The following CNTNAP2 variants were observed in gnomAD, a reference collection of about 807,000 sequenced individuals.
The protein encoded by CNTNAP2 is contactin-associated protein-like 2.
CNTNAP2 carries 98 observed loss-of-function variants against 155.2 expected under a neutral mutation model. The observed-to-expected ratio is 0.63, with a 90% CI of 0.54 to 0.75. The LOEUF (loss-of-function observed/expected upper bound fraction) is 0.75, where lower values mean the gene tolerates loss of function less well. Among genes scored for constraint, CNTNAP2 ranks in the 30% least tolerant of loss-of-function variants. The pLI is 0.00. For synonymous variants in CNTNAP2, 651 were observed against 631.2 expected (o/e 1.03, Z -0.47); for missense variants, 1,727 against 1,688.1 (o/e 1.02, Z -0.40).
At chr7:147,355,724 C>G (rs1044364374) in intron 9 of CNTNAP2, among the ~76,000 whole-genome samples, 2 of 152,016 alleles carry the variant, frequency 1.3e-5, no homozygotes, top group Admixed American at 1.3e-4. Flanking sequence ...TACACCCACC[C>G]AAGACTAAAC....
chr7:146,131,916 C>G (rs573154551), intron 1 of CNTNAP2, among the ~76,000 whole-genome samples: 2 of 152,186 alleles, frequency 1.3e-5, no homozygotes, highest in Non-Finnish European at 2.9e-5. Context: ...TTCCTGTGCT[C>G]GAATTTACTC....
intron 1 of CNTNAP2, among the ~76,000 whole-genome samples, chr7:146,718,102 C>G (rs1412667497): frequency 4.6e-5 from 7 of 152,144 alleles, no homozygotes; most frequent in Non-Finnish European, 1.0e-4. Context: ...AAGCCTCCAA[C>G]TTCAGGTGTT....
intron 1 of CNTNAP2, among the ~76,000 whole-genome samples, chr7:146,643,641 A>G (rs1253342691): frequency 1.3e-5 from 2 of 152,126 alleles, no homozygotes; most frequent in Non-Finnish European, 2.9e-5. Context: ...TTGGCGATGC[A>G]GGCTCTTTTT....
intron 12 of CNTNAP2, among the ~76,000 whole-genome samples, chr7:147,616,794 G>T (rs1381846111): frequency 6.6e-6 from 1 of 151,942 alleles, no homozygotes; most frequent in Non-Finnish European, 1.5e-5. Flanking sequence ...TGAGATGATG[G>T]ATTTTATATC....
At chr7:148,372,276 G>C (rs1381090299) in intron 21 of CNTNAP2, among the ~76,000 whole-genome samples, 1 of 152,116 alleles carries the variant, frequency 6.6e-6, no homozygotes, top group Non-Finnish European at 1.5e-5. Context: ...AAGCTTGGCA[G>C]GACTGGAAGT....
chr7:147,389,854 C>T (rs4726854), intron 9 of CNTNAP2, among the ~76,000 whole-genome samples: 98,797 of 152,006 alleles, frequency 0.65, 33,444 homozygotes, highest in African/African-American at 0.85. Flanking sequence ...AACAAAAATA[C>T]GCAAAAATTT....
At chr7:146,167,688 T>A (rs558098520) in intron 1 of CNTNAP2, among the ~76,000 whole-genome samples, 5 of 152,328 alleles carry the variant, frequency 3.3e-5, no homozygotes, top group Admixed American at 3.3e-4. Flanking sequence ...ACTGAATTTT[T>A]GTTTGGACAC....
rs386411597 is a variant in CNTNAP2, at chr7:147,300,411, A to AAACC, written c.1498+124_1498+125insCAAC. Reference sequence around the variant, plus strand: ...GACTCAGTAGATCTCATGACAAAACAAACTGTAATTCCACTGAGCAAAACA... The same window carrying AAACC: ...GACTCAGTAGATCTCATGACAAAACAAACCAACTGTAATTCCACTGAGCAAAACA... On this transcript the variant is annotated intron_variant, in intron 9 of 23. Coordinates refer to ENST00000361727, the MANE Select transcript of CNTNAP2 (RefSeq NM_014141.6). 79 of 1,185,152 alleles carry AAACC rather than the reference A, an allele frequency of 6.7e-5. No individual in the cohort carries two copies. In the African/African-American group the frequency reaches 1.1e-3, roughly 17 times the overall value. 73.4% of individuals were successfully genotyped at this position (1,185,152 alleles called of 1,614,324 possible).
chr7:147,696,100 ATTG>A lies in CNTNAP2; in HGVS notation c.2098+56797_2098+56799del, dbSNP rs545730228. Among the ~76,000 whole-genome samples the A allele has an allele frequency of 4.6e-5, 7 of 152,266 alleles. No homozygotes were observed. In the East Asian group the frequency reaches 1.4e-3, roughly 29 times the overall value. On this transcript the variant is annotated intron_variant, in intron 13 of 23. Coordinates refer to ENST00000361727, the MANE Select transcript of CNTNAP2 (RefSeq NM_014141.6). ...AAAGTGAATTTCATGTACAACACAT[ATTG>A]TTAGGTTTTGGTTTTTTATTCAGTC...
intron 12 of CNTNAP2, among the ~76,000 whole-genome samples, chr7:147,599,658 G>C (rs1800906380): frequency 6.6e-6 from 1 of 152,054 alleles, no homozygotes; most frequent in African/African-American, 2.4e-5. Context: ...TCTGGTGGTT[G>C]CAATCCTTGA....
At chr7:147,754,528 T>C (rs1265834639) in intron 13 of CNTNAP2, among the ~76,000 whole-genome samples, 1 of 152,228 alleles carries the variant, frequency 6.6e-6, no homozygotes, top group African/African-American at 2.4e-5. Flanking sequence ...ACAAGGGATA[T>C]GTAAAAACTA....
chr7:148,368,272 G>T (rs1798821849), intron 21 of CNTNAP2, among the ~76,000 whole-genome samples: 1 of 152,200 alleles, frequency 6.6e-6, no homozygotes, highest in African/African-American at 2.4e-5. Flanking sequence ...AGGGGTGGGG[G>T]TTGCTGGCGG....
Position 147,012,129 on chromosome 7 carries a change from G to A in CNTNAP2, c.403-31778G>A, listed in dbSNP as rs1434340083. ...TTAATCTGTATTTTGTTATAGGAAT[G>A]TCAGTCATGACCTTTATGATGGGGT... On this transcript the variant is annotated intron_variant, in intron 3 of 23. Transcript: ENST00000361727. 2.6e-5 allele frequency among the ~76,000 whole-genome samples: 4 copies of A among 152,154 alleles called. 1 individual carries two copies. Among genetic ancestry groups the A allele is most frequent in the South Asian group, 4.1e-4 (2 of 4,828 alleles).
intron 15 of CNTNAP2, among the ~76,000 whole-genome samples, chr7:148,082,462 C>T (rs1393416050): frequency 2.6e-5 from 4 of 152,022 alleles, no homozygotes; most frequent in African/African-American, 9.7e-5. Context: ...ACAGCAAAGG[C>T]ATATGAGGCG....
intron 23 of CNTNAP2, among the ~76,000 whole-genome samples, chr7:148,410,039 G>A (rs150426493): frequency 3.8e-5 from 1 of 26,446 alleles, no homozygotes; most frequent in Non-Finnish European, 8.0e-5. Context: ...CTAAAGAGCG[G>A]GACTCCGTCT....
intron 4 of CNTNAP2, among the ~76,000 whole-genome samples, chr7:147,084,525 A>G (rs1800227546): frequency 7.3e-6 from 1 of 136,874 alleles, no homozygotes; most frequent in African/African-American, 2.6e-5. Context: ...GTATATACAT[A>G]TAATACTATA....
At chr7:147,835,707 G>A (rs1472628452) in intron 13 of CNTNAP2, among the ~76,000 whole-genome samples, 2 of 152,206 alleles carry the variant, frequency 1.3e-5, no homozygotes, top group Non-Finnish European at 2.9e-5. Context: ...TTGTGCAGAT[G>A]TAATGCAGTT....
At chr7:146,836,490 A>G (rs185075426) in intron 2 of CNTNAP2, among the ~76,000 whole-genome samples, 33 of 152,248 alleles carry the variant, frequency 2.2e-4, no homozygotes, top group Admixed American at 2.0e-3. Context: ...AGGGTTTGCT[A>G]TTTTCAAGTA....
At chr7:146,959,604 C>T (rs111241523) in intron 3 of CNTNAP2, among the ~76,000 whole-genome samples, 3 of 150,870 alleles carry the variant, frequency 2.0e-5, no homozygotes, top group Admixed American at 1.3e-4. Flanking sequence ...CCTGTAATCC[C>T]AGCTACTTGG....
Sources: allele counts gnomAD v4.1 joint callset (sites outside exome capture counted in the v4.1 genomes callset), GRCh38; gene constraint gnomAD v4.1.1; transcripts MANE v1.5; gene names NCBI Gene and HGNC (gene_info 2026-07-23, HGNC 2026-07-21).